Variants in CACNA2D4 observed in about 807,000 individuals in gnomAD.
CACNA2D4 encodes voltage-dependent calcium channel subunit alpha-2/delta-4.
A neutral mutation model predicts 163.8 loss-of-function variants in CACNA2D4; 157 were observed. The ratio of observed to expected loss-of-function variants is 0.96; its 90% CI spans 0.84 to 1.09. The LOEUF is 1.09. Ranked by LOEUF, CACNA2D4 falls within the 50% of genes least tolerant of loss-of-function variation. The pLI is 0.00. For missense variants in CACNA2D4, 1,410 were observed against 1,479.9 expected (o/e 0.95, Z 0.78); for synonymous variants, 598 against 586.9 (o/e 1.02, Z -0.27).
In CACNA2D4 at chr12:1,883,099, G is replaced by T. The variant is rs79864920; in HGVS notation, c.1352-99C>A. On this transcript the variant is annotated intron_variant, in intron 12 of 37. Transcript: ENST00000382722. The surrounding 1 kb of genome is among the most constrained non-coding windows in gnomAD (Gnocchi z 4.5). ...CCCCAGCTGCAGATGGCTCATAGCC[G>T]AATACTCTCTGGAAACTGGACCGGG... The T allele has an allele frequency of 0.019, 24,684 of 1,320,372 alleles. 890 individuals are homozygous for T. The highest frequency in any genetic ancestry group is 0.14 in the African/African-American group (9,525 of 68,306). 81.8% of individuals were successfully genotyped at this position (1,320,372 alleles called of 1,614,324 possible).
At chr12:1,817,078 T>C (rs1420404904) in intron 26 of CACNA2D4, among the ~76,000 whole-genome samples, 1 of 152,230 alleles carries the variant, frequency 6.6e-6, no homozygotes, top group Admixed American at 6.5e-5. Context: ...ACCAGGAGAC[T>C]GCGTGTTGCA....
intron 26 of CACNA2D4, among the ~76,000 whole-genome samples, chr12:1,838,319 C>T (rs944563203): frequency 1.3e-5 from 2 of 152,108 alleles, no homozygotes; most frequent in African/African-American, 2.4e-5. Context: ...CCCTCGAGCT[C>T]GGTGCGCAAT....
chr12:1,876,593 T>A (rs965958910), intron 16 of CACNA2D4, among the ~76,000 whole-genome samples: 2 of 152,192 alleles, frequency 1.3e-5, no homozygotes, highest in African/African-American at 4.8e-5. Context: ...ACTGTGTATC[T>A]TGCTTCCGCC....
intron 3 of CACNA2D4, among the ~76,000 whole-genome samples, chr12:1,911,489 G>C (rs1334797306): frequency 6.6e-6 from 1 of 151,954 alleles, no homozygotes; most frequent in Non-Finnish European, 1.5e-5. Flanking sequence ...AATTGGGTAG[G>C]ATAATTCCTG....
Position 1,820,993 on chromosome 12 carries a change from A to G in CACNA2D4, c.2552-9270T>C, listed in dbSNP as rs1217619702. On this transcript the variant is annotated intron_variant, in intron 26 of 37. Coordinates refer to ENST00000382722, the MANE Select transcript of CACNA2D4 (RefSeq NM_172364.5). The surrounding 1 kb of genome is among the most constrained non-coding windows in gnomAD (Gnocchi z 6.0). The stretch of plus-strand genomic sequence containing the variant: ...TCGGGCTCAGGCACCTGAGCATCCC[A>G]AAGGTGCACGACACTGGGAACTCTG... 5.3e-5 allele frequency among the ~76,000 whole-genome samples: 8 copies of G among 152,200 alleles called. No individual in the cohort carries two copies. The highest frequency in any genetic ancestry group is 1.2e-4 in the Non-Finnish European group (8 of 68,044).
intron 3 of CACNA2D4, among the ~76,000 whole-genome samples, chr12:1,911,021 A>ATTTTTTTTTT (rs374264665): frequency 7.5e-6 from 1 of 133,482 alleles, no homozygotes. Context: ...CCGCAATACA[A>ATTTTTTTTTT]TTTTTTTTTT....
rs373800563 is a variant in CACNA2D4, at chr12:1,795,364, A to G, written c.3244T>C (p.Cys1082Arg). 3.1e-6 allele frequency: 5 copies of G among 1,611,836 alleles called. No homozygotes were observed. In the East Asian group the frequency reaches 1.1e-4, roughly 36 times the overall value. The change falls in exon 37 of 38, where the codon TGT (cysteine) becomes CGT (arginine). Residue 1082 changes from cysteine to arginine, a missense_variant. Transcript: ENST00000382722. ...TEVKYNASVK[C>R]DRMRSQKLRR... Reference sequence around the variant, plus strand: ...AGCTTCTGGGAGCGCATCCGGTCACATTTGACAGAGGCATTATGTGCAGAA... The same window carrying G: ...AGCTTCTGGGAGCGCATCCGGTCACGTTTGACAGAGGCATTATGTGCAGAA...
chr12:1,918,091 G>A, intron 1 of CACNA2D4, 156 bp downstream of exon 1: 1 of 647,900 alleles, frequency 1.5e-6, no homozygotes, highest in Non-Finnish European at 2.7e-6. Flanking sequence ...GAAGCAAAGG[G>A]CTTTACAGCA....
chr12:1,811,527 TGAG>T (rs796585508), intron 27 of CACNA2D4, 132 bp downstream of exon 27: 3 of 883,960 alleles, frequency 3.4e-6, no homozygotes, highest in Non-Finnish European at 5.4e-6. Context: ...GCTGAGGGGC[TGAG>T]AAGTGTAGGG....
intron 26 of CACNA2D4, among the ~76,000 whole-genome samples, chr12:1,816,801 C>G (rs1458438613): frequency 2.0e-5 from 3 of 152,206 alleles, no homozygotes; most frequent in Non-Finnish European, 2.9e-5. Flanking sequence ...CACGGACACA[C>G]ATGCATGCAC....
chr12:1,800,140 G>A (rs1287503983), intron 32 of CACNA2D4, 88 bp from the exon 33 acceptor site: 6 of 1,314,956 alleles, frequency 4.6e-6, no homozygotes, highest in Non-Finnish European at 3.2e-6. Context: ...ACAGCCCCCG[G>A]CCCATCCCCT....
In CACNA2D4 at chr12:1,843,037, C is replaced by T. The variant is rs368085476; in HGVS notation, c.2470+1365G>A. 5.3e-5 allele frequency among the ~76,000 whole-genome samples: 8 copies of T among 152,314 alleles called. No individual in the cohort carries two copies. Among genetic ancestry groups the T allele is most frequent in the South Asian group, 4.1e-4 (2 of 4,832 alleles). ...AGTTACAGAACCTCTCTGAGCCTCA[C>T]GTTCTCCTTGTGTAAGTTGAGGGAT... On this transcript the variant is annotated intron_variant, in intron 25 of 37. Transcript: ENST00000382722. This position sits in a 1 kb window ranked among gnomAD's most constrained non-coding sequence, Gnocchi z 4.6.
At chr12:1,913,269 G>T (rs1400048164) in intron 2 of CACNA2D4, 130 bp from the exon 3 acceptor site, 1 of 690,960 alleles carries the variant, frequency 1.4e-6, no homozygotes, top group Non-Finnish European at 2.7e-6. Flanking sequence ...CTCAACTAGG[G>T]TGAGGCCCAG....
intron 23 of CACNA2D4, among the ~76,000 whole-genome samples, chr12:1,851,894 A>G (rs1479185623): frequency 6.6e-6 from 1 of 151,736 alleles, no homozygotes; most frequent in Non-Finnish European, 1.5e-5. Flanking sequence ...TTGTGTTTTC[A>G]GGAGTGTTTC....
Position 1,823,444 on chromosome 12 carries a change from C to T in CACNA2D4, c.2552-11721G>A, listed in dbSNP as rs114507479. 5.0e-3 allele frequency among the ~76,000 whole-genome samples: 762 copies of T among 152,178 alleles called. 7 individuals carry two copies. Among genetic ancestry groups the T allele is most frequent in the African/African-American group, 0.017 (710 of 41,500 alleles). Reference sequence around the variant, plus strand: ...CGGCTGTTCCGTGCTCTGAGGGGGCCGAGTGGGGTGCTAGCAGGGAGGCAG... The same window carrying T: ...CGGCTGTTCCGTGCTCTGAGGGGGCTGAGTGGGGTGCTAGCAGGGAGGCAG... On this transcript the variant is annotated intron_variant, in intron 26 of 37. Transcript: ENST00000382722.
Position 1,804,210 on chromosome 12 carries a change from A to G in CACNA2D4, c.2722-2566T>C, listed in dbSNP as rs574585699. ...CTGACAGCAGGATTCTAGGGGACAG[A>G]AATCCACTTCTGTCCCACAGCACCA... On this transcript the variant is annotated intron_variant, in intron 29 of 37. Transcript: ENST00000382722. 5.7e-4 allele frequency among the ~76,000 whole-genome samples: 87 copies of G among 151,866 alleles called. No homozygotes were observed. The South Asian group carries it at 0.017, about 30-fold the overall frequency.
At chr12:1,845,943 T>C (rs1002877797) in intron 24 of CACNA2D4, among the ~76,000 whole-genome samples, 1 of 152,190 alleles carries the variant, frequency 6.6e-6, no homozygotes, top group African/African-American at 2.4e-5. Context: ...CATCGCTGAA[T>C]GTCACAAAAT....
intron 26 of CACNA2D4, among the ~76,000 whole-genome samples, chr12:1,817,901 A>G (rs1279636623): frequency 3.1e-4 from 46 of 150,754 alleles, no homozygotes; most frequent in East Asian, 1.6e-3. Context: ...CTGCCCGGCC[A>G]CCACCCCGTC....
At chr12:1,801,411 A>G (rs182301433) in intron 30 of CACNA2D4, among the ~76,000 whole-genome samples, 163 bp downstream of exon 30, 62 of 152,146 alleles carry the variant, frequency 4.1e-4, no homozygotes, top group African/African-American at 1.4e-3. Flanking sequence ...CCCTCCCCAC[A>G]TCATGCTGAC....
Sources: allele counts gnomAD v4.1 joint callset (sites outside exome capture counted in the v4.1 genomes callset), GRCh38; gene constraint gnomAD v4.1.1; non-coding constraint Gnocchi (gnomAD v3.1); transcripts MANE v1.5; gene names NCBI Gene and HGNC (gene_info 2026-07-23, HGNC 2026-07-21).